SLC35D2: variants seen among roughly 807,000 people sequenced by gnomAD.
The protein encoded by SLC35D2 is solute carrier family 35 member D2, also known as nucleotide sugar transporter SLC35D2.
SLC35D2 carries 43 observed loss-of-function variants against 41.8 expected under a neutral mutation model. The observed-to-expected ratio is 1.03, with a 90% CI of 0.81 to 1.33. The LOEUF (loss-of-function observed/expected upper bound fraction) is 1.33, where lower values mean the gene tolerates loss of function less well. SLC35D2 is among the 40% of genes most tolerant of loss of function. The pLI is 0.00. For synonymous variants in SLC35D2, 150 were observed against 163.9 expected, an observed-to-expected ratio of 0.92 and a Z score of 0.65; for missense variants, 380 against 408.4, an observed-to-expected ratio of 0.93 and a Z score of 0.60.
chr9:96,383,433 G>T, intron 1 of SLC35D2, 44 bp downstream of exon 1: 2 of 1,466,464 alleles, frequency 1.4e-6, no homozygotes, highest in Non-Finnish European at 9.2e-7. Flanking sequence ...GACAGGGGCA[G>T]CCCCGCACTC....
In SLC35D2 at chr9:96,343,466, T is replaced by A. The variant is rs570217356; in HGVS notation, c.684+438A>T. Among the ~76,000 whole-genome samples, 18 of 152,318 alleles carry A rather than the reference T, an allele frequency of 1.2e-4. No homozygotes were observed. The South Asian group carries it at 3.7e-3, about 32-fold the overall frequency. On this transcript the variant is annotated intron_variant, in intron 8 of 11. Coordinates refer to ENST00000253270, the MANE Select transcript of SLC35D2 (RefSeq NM_007001.3). ...TGGCAAAATGCCAAAGTGTTGAAGC[T>A]AGGTGGTGGGTCCCTGACAACTCAT...
Position 96,383,511 on chromosome 9 carries a change from C to T in SLC35D2, c.124G>A (p.Val42Met), listed in dbSNP as rs759462031. 9.8e-6 allele frequency: 15 copies of T among 1,536,430 alleles called. No individual in the cohort carries two copies. The African/African-American group carries it at 2.0e-4, about 20-fold the overall frequency. The change falls in exon 1 of 12, where the codon GTG becomes ATG. Residue 42 changes from valine to methionine, a missense_variant. Physicochemically the swap from Val to Met is conservative, Grantham distance 21 (BLOSUM62 1). Transcript: ENST00000253270. ...LFYGTCSFLI[V>M]LVNKALLTTY... Reference sequence around the variant, plus strand: ...GTCAGCAGCGCCTTGTTGACAAGCACGATGAGGAAGGAGCAGGTCCCGTAG... The same window carrying T: ...GTCAGCAGCGCCTTGTTGACAAGCATGATGAGGAAGGAGCAGGTCCCGTAG...
intron 3 of SLC35D2, among the ~76,000 whole-genome samples, chr9:96,361,239 G>C (rs1027254353): frequency 6.6e-6 from 1 of 152,180 alleles, no homozygotes; most frequent in East Asian, 1.9e-4. Context: ...CATATGCACT[G>C]TTATGAAATG....
In SLC35D2 at chr9:96,383,336, T is replaced by C. The variant is rs1459794352; in HGVS notation, c.158+141A>G. The C allele has an allele frequency of 1.2e-5, 6 of 516,988 alleles. No individual in the cohort carries two copies. In the East Asian group the frequency reaches 2.4e-4, roughly 21 times the overall value. The allele number at this position is 516,988 out of a possible 1,614,324, so 32.0% of individuals were successfully genotyped here. On this transcript the variant is annotated intron_variant, in intron 1 of 11. Coordinates refer to ENST00000253270, the MANE Select transcript of SLC35D2 (RefSeq NM_007001.3). ...AGCTGAGCGAGTTCTGGAGGGCGCC[T>C]GGGAAACTCGACCAATGTGCCCAGC...
downstream of SLC35D2, among the ~76,000 whole-genome samples, chr9:96,316,502 A>T (rs541849773): frequency 5.3e-5 from 8 of 149,846 alleles, no homozygotes; most frequent in African/African-American, 2.0e-4. Flanking sequence ...CAAAAAAAAA[A>T]GGGGGGGAAG....
intron 7 of SLC35D2, among the ~76,000 whole-genome samples, chr9:96,344,903 G>A (rs921495302): frequency 1.3e-5 from 2 of 152,270 alleles, no homozygotes; most frequent in South Asian, 2.1e-4. Flanking sequence ...GAGAAGTTAA[G>A]GTTCAAAGTC....
chr9:96,383,457 G>T lies in SLC35D2; in HGVS notation c.158+20C>A. ...AGCCCCGCACTCCCGCAGACCCCCC[G>T]GCCCCGGGCCCCGCCTCACCCGTAG... On this transcript the variant is annotated intron_variant, in intron 1 of 11. Transcript: ENST00000253270. 7.1e-7 allele frequency: 1 copy of T among 1,403,630 alleles called. No individual in the cohort carries two copies. The highest frequency in any genetic ancestry group is 2.1e-5 in the Admixed American group (1 of 46,572). The allele number at this position is 1,403,630 out of a possible 1,614,324, so 86.9% of individuals were successfully genotyped here.
At chr9:96,346,460 T>C (rs1337277860) in intron 6 of SLC35D2, among the ~76,000 whole-genome samples, 1 of 152,156 alleles carries the variant, frequency 6.6e-6, no homozygotes, top group Non-Finnish European at 1.5e-5. Flanking sequence ...TAGGAATTGC[T>C]CTCCTCTTCC....
intron 4 of SLC35D2, among the ~76,000 whole-genome samples, chr9:96,358,078 TTTTATA>T (rs1017862557): frequency 1.1e-4 from 9 of 79,258 alleles, no homozygotes; most frequent in South Asian, 3.4e-4. Flanking sequence ...ATATTATATA[TTTTATA>T]TATATATATA....
At chr9:96,383,271 G>A (rs1457497198) in intron 1 of SLC35D2, among the ~76,000 whole-genome samples, 1 of 152,182 alleles carries the variant, frequency 6.6e-6, no homozygotes, top group African/African-American at 2.4e-5. Flanking sequence ...GCGCGCTCAG[G>A]AAGAGAACGA....
intron 3 of SLC35D2, among the ~76,000 whole-genome samples, chr9:96,361,155 C>T (rs1202213447): frequency 2.0e-5 from 3 of 152,146 alleles, no homozygotes; most frequent in East Asian, 1.9e-4. Flanking sequence ...AACAGTTCAA[C>T]GATACATATT....
At chr9:96,346,485 C>T (rs994087005) in intron 6 of SLC35D2, among the ~76,000 whole-genome samples, 11 of 152,246 alleles carry the variant, frequency 7.2e-5, no homozygotes, top group African/African-American at 1.2e-4. Context: ...ATGGGAGAAG[C>T]GGTCCTCTTC....
intron 8 of SLC35D2, among the ~76,000 whole-genome samples, chr9:96,340,449 T>A (rs10990631): frequency 0.17 from 26,171 of 151,300 alleles, 2,536 homozygotes; most frequent in African/African-American, 0.26. Flanking sequence ...AAACCCTATC[T>A]TTACTAAAAA....
chr9:96,343,644 A>G (rs1829439708), intron 8 of SLC35D2, among the ~76,000 whole-genome samples: 1 of 152,234 alleles, frequency 6.6e-6, no homozygotes, highest in Non-Finnish European at 1.5e-5. Context: ...TATGGAATTC[A>G]AACTCAGATT....
intron 1 of SLC35D2, among the ~76,000 whole-genome samples, chr9:96,368,733 C>CCTCT (rs34787105): frequency 7.7e-5 from 11 of 143,350 alleles, no homozygotes; most frequent in African/African-American, 1.8e-4. Flanking sequence ...TATTATACTC[C>CCTCT]CTCTCTCTCT....
intron 1 of SLC35D2, among the ~76,000 whole-genome samples, chr9:96,381,375 C>G (rs534894594): frequency 5.9e-5 from 9 of 152,328 alleles, no homozygotes; most frequent in African/African-American, 1.9e-4. Context: ...CCCACACAGG[C>G]CAGCAATCCA....
At chr9:96,361,968 A>C (rs1303681581) in intron 3 of SLC35D2, among the ~76,000 whole-genome samples, 1 of 152,174 alleles carries the variant, frequency 6.6e-6, no homozygotes, top group South Asian at 2.1e-4. Context: ...CCAGGGTCCA[A>C]CTAGAAGCAT....
At chr9:96,336,583 G>A in intron 9 of SLC35D2, 134 bp downstream of exon 9, 1 of 623,764 alleles carries the variant, frequency 1.6e-6, no homozygotes, top group East Asian at 2.8e-5. Context: ...CACCTCCTTT[G>A]CTGCAGGGGT....
Position 96,368,286 on chromosome 9 carries a change from G to C in SLC35D2, c.178C>G (p.Leu60Val), listed in dbSNP as rs766190155. The C allele has an allele frequency of 1.2e-6, 2 of 1,607,394 alleles. No homozygotes were observed. Among genetic ancestry groups the C allele is most frequent in the Non-Finnish European group, 8.5e-7 (1 of 1,176,298 alleles). The change falls in exon 2 of 12, where the codon CTT becomes GTT. Residue 60 changes from leucine to valine, a missense_variant. Physicochemically the swap from Leu to Val is conservative, Grantham distance 32. Transcript: ENST00000253270. Reference sequence around the variant, plus strand: ...TTTTCACTCACCTGTCCAATTCCAAGGAAAATTGGTGACGGGAAACTACAA... The same window carrying C: ...TTTTCACTCACCTGTCCAATTCCAACGAAAATTGGTGACGGGAAACTACAA... Reference protein sequence around the residue: ...TTYGFPSPIFLGIGQMAATIM... With the variant: ...TTYGFPSPIFVGIGQMAATIM...
Sources: allele counts gnomAD v4.1 joint callset (sites outside exome capture counted in the v4.1 genomes callset), GRCh38; gene constraint gnomAD v4.1.1; transcripts MANE v1.5; gene names NCBI Gene and HGNC (gene_info 2026-07-23, HGNC 2026-07-21).